Variants in PER1 observed in about 807,000 individuals in gnomAD.
PER1 encodes period circadian protein homolog 1.
Under a neutral mutation model 125.9 loss-of-function variants are expected in PER1, and 87 were observed. That is an observed-to-expected ratio of 0.69 (90% CI 0.58 to 0.83). PER1 has a LOEUF of 0.83. Among genes scored for constraint, PER1 ranks in the 40% least tolerant of loss-of-function variants. The probability of loss-of-function intolerance (pLI) is 0.00; values close to 1 mark genes in which losing one functional copy is unlikely to be tolerated. For missense variants in PER1, 1,775 were observed against 1,722.8 expected, an observed-to-expected ratio of 1.03 and a Z score of -0.54; for synonymous variants, 801 against 714.7, an observed-to-expected ratio of 1.12 and a Z score of -1.93.
intron 16 of PER1, 21 bp downstream of exon 16, chr17:8,146,351 C>T: frequency 6.3e-7 from 1 of 1,584,000 alleles, no homozygotes; most frequent in Non-Finnish European, 8.6e-7. Flanking sequence ...GCAGTGGGAG[C>T]AGGGTGCATT....
At chr17:8,148,503 A>C in intron 8 of PER1, 141 bp downstream of exon 8, 1 of 1,084,414 alleles carries the variant, frequency 9.2e-7, no homozygotes, top group Middle Eastern at 3.1e-4. Flanking sequence ...CTCTAAGAGG[A>C]GCTCAAATCC....
chr17:8,149,164 G>A (rs1982658626), intron 7 of PER1, 95 bp downstream of exon 7: 4 of 1,139,256 alleles, frequency 3.5e-6, no homozygotes, highest in South Asian at 2.5e-5. Context: ...AGTCCAGCCT[G>A]GGTGACAGAG....
intron 19 of PER1, 34 bp downstream of exon 19, chr17:8,143,232 G>T: frequency 7.2e-7 from 1 of 1,389,492 alleles, no homozygotes; most frequent in Non-Finnish European, 9.5e-7. Flanking sequence ...GCTGGGGTGG[G>T]GGCTGGCAGG....
rs58311962 is a variant in PER1 at position 8,149,061 on chromosome 17, T to C, written c.905+198A>G. ...AAAATTAGCTGGGCGTGGTGGCGCA[T>C]GCCTGTAATCCCAGCTACTTGGGAG... is the stretch of plus-strand genomic sequence containing the variant. On this transcript the variant is annotated intron_variant, in intron 7 of 22. Coordinates refer to ENST00000317276, the MANE Select transcript of PER1 (RefSeq NM_002616.3). The C allele has an allele frequency of 0.011, 7,061 of 622,326 alleles. 406 individuals are homozygous for C. The African/African-American group carries it at 0.12, about 10-fold the overall frequency. The allele number at this position is 622,326 out of a possible 1,614,324, so 38.6% of individuals were successfully genotyped here.
rs1229025038 is a variant in PER1, at chr17:8,150,645, C to T, written c.62G>A (p.Cys21Tyr). The T allele has an allele frequency of 6.2e-7, 1 of 1,607,388 alleles. No homozygotes were observed. The highest frequency in any genetic ancestry group is 1.1e-5 in the South Asian group (1 of 90,630). The change falls in exon 2 of 23, where the codon TGT (cysteine) becomes TAT (tyrosine). Residue 21 changes from cysteine (C) to tyrosine (Y), a missense_variant. Physicochemically the swap from Cys to Tyr is radical, Grantham distance 194. Coordinates refer to ENST00000317276, the MANE Select transcript of PER1 (RefSeq NM_002616.3). ...CCCAGGGGATGGGACGCCCCCAGGA[C>T]AAAATGATTCCCCAGGCCTGGGGTC... ...GGDPRPGESF[C>Y]PGGVPSPGPP...
Position 8,145,004 on chromosome 17 carries a change from T to C in PER1, c.2219-11A>G. On this transcript the variant is annotated splice_polypyrimidine_tract_variant and intron_variant, in intron 17 of 22. Coordinates refer to ENST00000317276, the MANE Select transcript of PER1 (RefSeq NM_002616.3). Reference sequence around the variant, plus strand: ...CCATCATGATGATGTCTGAGGAGAGTGAGATAGGGAAAGGTCATCAGAACC... The same window carrying C: ...CCATCATGATGATGTCTGAGGAGAGCGAGATAGGGAAAGGTCATCAGAACC... The C allele has an allele frequency of 6.9e-7, 1 of 1,458,026 alleles. No homozygotes were observed. The highest frequency in any genetic ancestry group is 9.1e-7 in the Non-Finnish European group (1 of 1,102,644). The allele number at this position is 1,458,026 out of a possible 1,614,324, so 90.3% of individuals were successfully genotyped here.
At position 8,147,484 on chromosome 17, in the gene PER1, G is replaced by A. The variant is rs753909885; in HGVS notation, c.1483C>T (p.Arg495Trp). 28 of 1,613,546 alleles carry A rather than the reference G, an allele frequency of 1.7e-5. No individual in the cohort carries two copies. The highest frequency in any genetic ancestry group is 5.3e-5 in the African/African-American group (4 of 74,914). The change falls in exon 12 of 23, where the codon CGG becomes TGG. Residue 495 changes from arginine (R) to tryptophan (W), a missense_variant. Arg to Trp is a moderately radical substitution (Grantham distance 101). Transcript: ENST00000317276. ...DIQELSEQIH[R>W]LLLQPVHSPS... ...GCTACTCTCACCTGCAGCAGCAGCC[G>A]GTGGATCTGCTCTGACAGCTCCTGG...
Position 8,141,095 on chromosome 17 carries a change from T to A in PER1, c.3846A>T (p.Leu1282Phe). The change falls in exon 23 of 23, where the codon TTA (leucine) becomes TTT (phenylalanine). Residue 1282 changes from leucine to phenylalanine, a missense_variant. By Grantham distance (22) the Leu-to-Phe change is conservative. Transcript: ENST00000317276. ...AGCTGGTGCAGTTTCCTGCTGTAGGTAAGGCTGGACTGGATGAGCTCCTGC... is the reference window on the plus strand; with the variant it reads ...AGCTGGTGCAGTTTCCTGCTGTAGGAAAGGCTGGACTGGATGAGCTCCTGC... ...EEGRSSSSPALPTAGNCTS is the reference protein window; with the variant it reads ...EEGRSSSSPAFPTAGNCTS The A allele has an allele frequency of 1.2e-6, 2 of 1,613,810 alleles. No homozygotes were observed. The highest frequency in any genetic ancestry group is 1.7e-6 in the Non-Finnish European group (2 of 1,179,808).
chr17:8,151,579 C>T (rs1423770205), intron 1 of PER1, among the ~76,000 whole-genome samples: 1 of 152,146 alleles, frequency 6.6e-6, no homozygotes, highest in Non-Finnish European at 1.5e-5. Flanking sequence ...CTGCCCTCGG[C>T]GCAAAAGCCC....
Position 8,142,437 on chromosome 17 carries a change from G to A in PER1, c.3281C>T (p.Thr1094Ile). ...SITRSSQSSH[T>I]SKYFGSIDSS... Reference sequence around the variant, plus strand: ...GTCGATGCTGCCAAAGTATTTGCTTGTGTGGCTGCTCTGGCTGCTGCCTGT... The same window carrying A: ...GTCGATGCTGCCAAAGTATTTGCTTATGTGGCTGCTCTGGCTGCTGCCTGT... Residue 1094 changes from threonine (T) to isoleucine (I), a missense_variant, in exon 21 of 23, where the codon ACA becomes ATA. Thr to Ile is a moderately conservative substitution (Grantham distance 89). Coordinates refer to ENST00000317276, the MANE Select transcript of PER1 (RefSeq NM_002616.3). The A allele has an allele frequency of 6.3e-7, 1 of 1,588,932 alleles. No individual in the cohort carries two copies. The highest frequency in any genetic ancestry group is 8.6e-7 in the Non-Finnish European group (1 of 1,166,702).
chr17:8,150,387 G>A (rs771912898), intron 2 of PER1, 45 bp downstream of exon 2: 2 of 1,567,260 alleles, frequency 1.3e-6, no homozygotes, highest in East Asian at 2.3e-5. Flanking sequence ...AGCTCTGCCT[G>A]CTCACAAGAC....
chr17:8,147,102 G>A, intron 13 of PER1, 100 bp from the exon 14 acceptor site: 2 of 1,397,728 alleles, frequency 1.4e-6, no homozygotes, highest in South Asian at 2.5e-5. Context: ...GGGAGGCACA[G>A]ACGCCTTGAT....
At chr17:8,149,922 A>G in intron 4 of PER1, 46 bp from the exon 5 acceptor site, 1 of 1,614,042 alleles carries the variant, frequency 6.2e-7, no homozygotes, top group East Asian at 2.2e-5. Context: ...GGCTGCCTCA[A>G]CACGGGAGCC....
intron 5 of PER1, 34 bp downstream of exon 5, chr17:8,149,721 T>C: frequency 6.2e-7 from 1 of 1,612,402 alleles, no homozygotes; most frequent in Non-Finnish European, 8.5e-7. Context: ...GGAGTAGGGG[T>C]GCGTCGGGAT....
chr17:8,150,851 G>A lies in PER1; in HGVS notation c.-139-6C>T, dbSNP rs1275184863. ...AGTTCGATCACAGCCAGTACCTGGA[G>A]AGGGAGACCAGGAAGCAGGGCTTGC... is the stretch of plus-strand genomic sequence containing the variant. On this transcript the variant is annotated splice_polypyrimidine_tract_variant and splice_region_variant and intron_variant, in intron 1 of 22. Transcript: ENST00000317276. 4 of 696,296 alleles carry A rather than the reference G, an allele frequency of 5.7e-6. No individual in the cohort carries two copies. The highest frequency in any genetic ancestry group is 6.8e-6 in the Non-Finnish European group (3 of 439,886). The allele number at this position is 696,296 out of a possible 1,614,324, so 43.1% of individuals were successfully genotyped here.
At chr17:8,144,372 C>G (rs1212187816) in intron 18 of PER1, 1 of 419,422 alleles carries the variant, frequency 2.4e-6, no homozygotes, top group South Asian at 8.3e-5. Flanking sequence ...CTGCCTTCCA[C>G]CTGCCCTTGA....
rs1468429016 is a variant in PER1 at position 8,146,953 on chromosome 17, C to T, written c.1679G>A (p.Gly560Asp). The T allele has an allele frequency of 2.5e-6, 4 of 1,614,110 alleles. No individual in the cohort carries two copies. The highest frequency in any genetic ancestry group is 3.4e-6 in the Non-Finnish European group (4 of 1,180,010). The change falls in exon 14 of 23, where the codon GGC (glycine) becomes GAC (aspartate). Residue 560 changes from glycine to aspartate, a missense_variant. Coordinates refer to ENST00000317276, the MANE Select transcript of PER1 (RefSeq NM_002616.3). ...CKDVHLVKHQGQQLFIESRAR... is the reference protein window; with the variant it reads ...CKDVHLVKHQDQQLFIESRAR... Reference sequence around the variant, plus strand: ...CCGAGACTCAATAAAAAGCTGCTGGCCCTGGTGCTTCACCAGATGCACATC... The same window carrying T: ...CCGAGACTCAATAAAAAGCTGCTGGTCCTGGTGCTTCACCAGATGCACATC...
intron 19 of PER1, 144 bp from the exon 20 acceptor site, chr17:8,142,979 A>G: frequency 1.5e-6 from 1 of 673,084 alleles, no homozygotes; most frequent in Non-Finnish European, 2.5e-6. Context: ...CCAGGCTGAG[A>G]GAGAAGAAAG....
In PER1 at chr17:8,142,351, T is replaced by C. The variant is rs761827422; in HGVS notation, c.3367A>G (p.Lys1123Glu). The C allele has an allele frequency of 1.9e-6, 3 of 1,613,778 alleles. No individual in the cohort carries two copies. The highest frequency in any genetic ancestry group is 1.7e-6 in the Non-Finnish European group (2 of 1,179,956). ...CAAATGGGATCCTGGAGCACGTACT[T>C]AATCACCTGGTCCCCAGGCTCAGCC... ...GGAEPGDQVI[K>E]YVLQDPIWLL... Residue 1123 changes from lysine to glutamate, a missense_variant, in exon 21 of 23, where the codon AAG becomes GAG. By Grantham distance (56) the Lys-to-Glu change is moderately conservative. Transcript: ENST00000317276.
Sources: allele counts gnomAD v4.1 joint callset (sites outside exome capture counted in the v4.1 genomes callset), GRCh38; gene constraint gnomAD v4.1.1; transcripts MANE v1.5; gene names NCBI Gene and HGNC (gene_info 2026-07-23, HGNC 2026-07-21).